Variants in PCDH9 observed in about 807,000 individuals in gnomAD.
PCDH9 encodes protocadherin 9, also known as protocadherin-9.
A neutral mutation model predicts 70.6 loss-of-function variants in PCDH9; 24 were observed. That is an observed-to-expected ratio of 0.34 (90% CI 0.25 to 0.48). PCDH9 has a LOEUF of 0.48. Ranked by LOEUF, PCDH9 falls within the 20% of genes least tolerant of loss-of-function variation. The pLI is 0.99. For synonymous variants in PCDH9, 562 were observed against 558.5 expected (o/e 1.01, Z -0.09); for missense variants, 1,281 against 1,503.6 (o/e 0.85, Z 2.45).
At chr13:66,744,185 G>A (rs956824333) in intron 3 of PCDH9, among the ~76,000 whole-genome samples, 1 of 152,068 alleles carries the variant, frequency 6.6e-6, no homozygotes, top group African/African-American at 2.4e-5. Flanking sequence ...TTCTTTAAAC[G>A]ATCAACAATT....
Position 66,419,957 on chromosome 13 carries a change from G to A in PCDH9, c.3341-114929C>T, listed in dbSNP as rs150394619. ...CTCGCTGCCAGCACAGCAGTCTGAAGTCTATCTGGGATGCTCCAGCTTGGT... is the reference window on the plus strand; with the variant it reads ...CTCGCTGCCAGCACAGCAGTCTGAAATCTATCTGGGATGCTCCAGCTTGGT... On this transcript the variant is annotated intron_variant, in intron 4 of 4. Coordinates refer to ENST00000377865, the MANE Select transcript of PCDH9 (RefSeq NM_203487.3). Among the ~76,000 whole-genome samples the A allele has an allele frequency of 3.4e-3, 524 of 152,228 alleles. 13 individuals carry two copies. In the East Asian group the frequency reaches 0.061, roughly 18 times the overall value.
intron 4 of PCDH9, among the ~76,000 whole-genome samples, chr13:66,431,550 G>A (rs913214864): frequency 3.3e-5 from 5 of 152,070 alleles, no homozygotes; most frequent in African/African-American, 4.8e-5. Flanking sequence ...GATATGCATC[G>A]TATCTAATTT....
chr13:66,491,956 A>T (rs1459679524), intron 4 of PCDH9, among the ~76,000 whole-genome samples: 1 of 152,084 alleles, frequency 6.6e-6, no homozygotes, highest in East Asian at 1.9e-4. Context: ...GATTCAGGTC[A>T]CCTAGACCTA....
At chr13:67,080,889 T>TA (rs953574431) in intron 2 of PCDH9, among the ~76,000 whole-genome samples, 17 of 152,142 alleles carry the variant, frequency 1.1e-4, no homozygotes, top group African/African-American at 3.9e-4. Context: ...TGTTACATAA[T>TA]AAAAAAACAC....
intron 4 of PCDH9, among the ~76,000 whole-genome samples, chr13:66,421,928 GAC>G (rs1957575229): frequency 6.6e-6 from 1 of 152,158 alleles, no homozygotes; most frequent in South Asian, 2.1e-4. Flanking sequence ...CATGTGCAAA[GAC>G]ACACATAGGC....
chr13:66,769,804 C>G (rs2079777019), intron 3 of PCDH9, among the ~76,000 whole-genome samples: 2 of 152,016 alleles, frequency 1.3e-5, no homozygotes, highest in South Asian at 4.1e-4. Context: ...CTGGCCAAAT[C>G]TCATATTTTT....
At chr13:66,348,795 A>G (rs1306450817) in intron 4 of PCDH9, among the ~76,000 whole-genome samples, 2 of 151,226 alleles carry the variant, frequency 1.3e-5, no homozygotes, top group Non-Finnish European at 2.9e-5. Flanking sequence ...TTCTTGACTG[A>G]AATTATTTTT....
At chr13:66,925,927 G>A (rs181043492) in intron 2 of PCDH9, among the ~76,000 whole-genome samples, 129 of 151,976 alleles carry the variant, frequency 8.5e-4, no homozygotes, top group Non-Finnish European at 2.4e-4. Flanking sequence ...CCCAAATTAC[G>A]ATGTTATATT....
At chr13:66,954,170 C>T (rs1383239925) in intron 2 of PCDH9, among the ~76,000 whole-genome samples, 1 of 152,092 alleles carries the variant, frequency 6.6e-6, no homozygotes, top group Non-Finnish European at 1.5e-5. Flanking sequence ...TCTTAATGTT[C>T]CCCAACTGCT....
Position 66,380,208 on chromosome 13 carries a change from G to A in PCDH9, c.3341-75180C>T, listed in dbSNP as rs372766153. On this transcript the variant is annotated intron_variant, in intron 4 of 4. Transcript: ENST00000377865. Reference sequence around the variant, plus strand: ...ATTTTAATCCTGAGAAATATATTGTGTTTTTTAAATAGACATGATAATTAG... The same window carrying A: ...ATTTTAATCCTGAGAAATATATTGTATTTTTTAAATAGACATGATAATTAG... 8.5e-5 allele frequency among the ~76,000 whole-genome samples: 13 copies of A among 152,214 alleles called. No homozygotes were observed. The East Asian group carries it at 1.4e-3, about 16-fold the overall frequency.
intron 2 of PCDH9, among the ~76,000 whole-genome samples, chr13:67,157,574 C>G (rs1349381717): frequency 1.3e-5 from 2 of 151,954 alleles, no homozygotes; most frequent in African/African-American, 4.8e-5. Context: ...ACTCTCACAC[C>G]CATGCAACAT....
At chr13:66,342,594 C>A (rs2138148342) in intron 4 of PCDH9, among the ~76,000 whole-genome samples, 1 of 152,106 alleles carries the variant, frequency 6.6e-6, no homozygotes, top group Non-Finnish European at 1.5e-5. Context: ...CAAACCCTTT[C>A]AGTCTGTCTC....
intron 4 of PCDH9, among the ~76,000 whole-genome samples, chr13:66,577,644 C>A (rs888527632): frequency 6.6e-6 from 1 of 151,916 alleles, no homozygotes; most frequent in Non-Finnish European, 1.5e-5. Context: ...GCCCCCCTAA[C>A]ACACACAAAT....
At position 66,761,130 on chromosome 13, in the gene PCDH9, C is replaced by T. The variant is rs536678336; in HGVS notation, c.3139-129719G>A. On this transcript the variant is annotated intron_variant, in intron 3 of 4. Coordinates refer to ENST00000377865, the MANE Select transcript of PCDH9 (RefSeq NM_203487.3). Reference sequence around the variant, plus strand: ...GGAAGCATGTGATCTCTGCGACCCACACCCTATTCGTACACTCCCTCCCCT... The same window carrying T: ...GGAAGCATGTGATCTCTGCGACCCATACCCTATTCGTACACTCCCTCCCCT... Among the ~76,000 whole-genome samples, 3 of 151,938 alleles carry T rather than the reference C, an allele frequency of 2.0e-5. No homozygotes were observed. The South Asian group carries it at 6.3e-4, about 32-fold the overall frequency.
At chr13:66,657,488 G>A (rs1301483298) in intron 3 of PCDH9, among the ~76,000 whole-genome samples, 1 of 152,142 alleles carries the variant, frequency 6.6e-6, no homozygotes, top group African/African-American at 2.4e-5. Context: ...CCTGGATTAC[G>A]TCACAAGCAT....
At chr13:66,683,852 C>CTT (rs35642469) in intron 3 of PCDH9, among the ~76,000 whole-genome samples, 1 of 151,874 alleles carries the variant, frequency 6.6e-6, no homozygotes, top group East Asian at 1.9e-4. Context: ...AAGTTAAGCC[C>CTT]TTTTTTCACA....
intron 4 of PCDH9, among the ~76,000 whole-genome samples, chr13:66,576,416 T>C (rs1483229075): frequency 2.0e-5 from 3 of 152,054 alleles, no homozygotes; most frequent in Non-Finnish European, 2.9e-5. Flanking sequence ...TTTATGGCTA[T>C]TATAGGGCCT....
At position 67,099,396 on chromosome 13, in the gene PCDH9, C is replaced by T. The variant is rs551050860; in HGVS notation, c.3036+126009G>A. On this transcript the variant is annotated intron_variant, in intron 2 of 4. Transcript: ENST00000377865. ...ATCTGCCATTCAATTTGTAAATATG[C>T]AAATTAATGAGGTAAATGTCAATGA... is the stretch of plus-strand genomic sequence containing the variant. Among the ~76,000 whole-genome samples the T allele has an allele frequency of 1.1e-4, 17 of 152,204 alleles. No individual in the cohort carries two copies. In the South Asian group the frequency reaches 1.7e-3, roughly 15 times the overall value.
intron 4 of PCDH9, among the ~76,000 whole-genome samples, chr13:66,527,654 C>CTTAAATATG (rs1163311690): frequency 1.3e-5 from 2 of 151,928 alleles, no homozygotes; most frequent in Non-Finnish European, 2.9e-5. Context: ...TATGACTTGA[C>CTTAAATATG]ACAGTGGCCC....
Sources: allele counts gnomAD v4.1 joint callset (sites outside exome capture counted in the v4.1 genomes callset), GRCh38; gene constraint gnomAD v4.1.1; transcripts MANE v1.5; gene names NCBI Gene and HGNC (gene_info 2026-07-23, HGNC 2026-07-21).